TTC21B: variants seen among roughly 807,000 people sequenced by gnomAD.
The protein encoded by TTC21B is tetratricopeptide repeat protein 21B.
A neutral mutation model predicts 175.1 loss-of-function variants in TTC21B; 127 were observed. The ratio of observed to expected loss-of-function variants is 0.73; its 90% CI spans 0.63 to 0.84. The LOEUF (loss-of-function observed/expected upper bound fraction) is 0.84. Among genes scored for constraint, TTC21B ranks in the 40% least tolerant of loss-of-function variants. The pLI is 0.00. For missense variants in TTC21B, 1,561 were observed against 1,558.3 expected, an observed-to-expected ratio of 1.00 and a Z score of -0.03; for synonymous variants, 524 against 524.5, an observed-to-expected ratio of 1.00 and a Z score of 0.01.
chr2:165,881,708 T>TGG (rs1344257469), intron 26 of TTC21B, among the ~76,000 whole-genome samples: 3 of 152,168 alleles, frequency 2.0e-5, no homozygotes, highest in Non-Finnish European at 2.9e-5. Context: ...ATCAGTGCTA[T>TGG]GATAAGCCAC....
At chr2:165,906,955 C>CAAA (rs1160627145) in intron 19 of TTC21B, among the ~76,000 whole-genome samples, 52 of 60,198 alleles carry the variant, frequency 8.6e-4, no homozygotes, top group African/African-American at 1.3e-3. Context: ...AACTCCGTCT[C>CAAA]AAAAAAAAAA....
intron 4 of TTC21B, among the ~76,000 whole-genome samples, chr2:165,945,140 T>C (rs77760638): frequency 0.027 from 4,102 of 152,326 alleles, 65 homozygotes; most frequent in Non-Finnish European, 0.041. Flanking sequence ...AAAGTTTATG[T>C]ATTATTTTCC....
At chr2:165,916,292 T>G (rs1686175301) in intron 14 of TTC21B, among the ~76,000 whole-genome samples, 1 of 152,264 alleles carries the variant, frequency 6.6e-6, no homozygotes, top group Admixed American at 6.5e-5. Context: ...ATGGAAATTC[T>G]TTGTGATTTG....
chr2:165,944,548 T>C (rs1687482893), intron 4 of TTC21B, among the ~76,000 whole-genome samples: 1 of 152,168 alleles, frequency 6.6e-6, no homozygotes, highest in African/African-American at 2.4e-5. Context: ...TTTCAGTTTA[T>C]TCTCAAGCCA....
intron 18 of TTC21B, among the ~76,000 whole-genome samples, chr2:165,908,387 A>G (rs1404918226): frequency 1.3e-5 from 2 of 152,218 alleles, no homozygotes; most frequent in Non-Finnish European, 2.9e-5. Flanking sequence ...AAGTTACTAA[A>G]TAAGTTAAAA....
chr2:165,906,799 A>G (rs1685750365), intron 19 of TTC21B, among the ~76,000 whole-genome samples: 1 of 151,860 alleles, frequency 6.6e-6, no homozygotes, highest in Admixed American at 6.6e-5. Flanking sequence ...TACTAAAAAT[A>G]CAAAAATTAG....
intron 19 of TTC21B, among the ~76,000 whole-genome samples, chr2:165,904,764 C>T (rs926325106): frequency 6.6e-5 from 10 of 152,058 alleles, no homozygotes; most frequent in African/African-American, 1.9e-4. Flanking sequence ...CTTACAGACA[C>T]AGAATAAACA....
At chr2:165,905,064 T>C (rs140981416) in intron 19 of TTC21B, among the ~76,000 whole-genome samples, 601 of 152,266 alleles carry the variant, frequency 3.9e-3, no homozygotes, top group African/African-American at 0.013. Context: ...TGTCTGATAC[T>C]GAAATAAAAT....
chr2:165,906,361 T>C (rs1685733896), intron 19 of TTC21B, among the ~76,000 whole-genome samples: 1 of 151,272 alleles, frequency 6.6e-6, no homozygotes, highest in South Asian at 2.1e-4. Flanking sequence ...AAGGCAAAAG[T>C]TGACCCTTTG....
chr2:165,888,043 G>C (rs1270181219), intron 25 of TTC21B, among the ~76,000 whole-genome samples: 1 of 152,162 alleles, frequency 6.6e-6, no homozygotes, highest in Non-Finnish European at 1.5e-5. Flanking sequence ...GAAGAATTCA[G>C]TTTCTGTAGA....
At chr2:165,895,685 A>G (rs547714765) in intron 22 of TTC21B, among the ~76,000 whole-genome samples, 8 of 152,252 alleles carry the variant, frequency 5.3e-5, no homozygotes, top group Admixed American at 1.3e-4. Flanking sequence ...GAAGAAAATA[A>G]AAGTAGGTTT....
rs1559064834 is a variant in TTC21B, at chr2:165,927,284, ATCC to A, written c.1386+1848_1386+1850del. Among the ~76,000 whole-genome samples, 126 of 51,768 alleles carry A rather than the reference ATCC, an allele frequency of 2.4e-3. 1 individual carries two copies. Among genetic ancestry groups the A allele is most frequent in the African/African-American group, 2.9e-3 (30 of 10,336 alleles). The allele number at this position is 51,768 out of a possible 152,430, so 34.0% of individuals were successfully genotyped here. On this transcript the variant is annotated intron_variant, in intron 11 of 28. Coordinates refer to ENST00000243344, the MANE Select transcript of TTC21B (RefSeq NM_024753.5). Reference sequence around the variant, plus strand: ...TATCCTAGTAGTTATATATATATATATCCTAGTAGTTATATATATATATTATAT... The same window carrying A: ...TATCCTAGTAGTTATATATATATATATAGTAGTTATATATATATATTATAT...
chr2:165,874,556 C>A lies in TTC21B; in HGVS notation c.*199G>T. ...CCCAATCAAAACAGAGTCAAATAGA[C>A]CAGCTCTCATTCAACTCCATTAGGA... is the stretch of plus-strand genomic sequence containing the variant. On this transcript the variant is annotated 3_prime_UTR_variant, in exon 29 of 29. Transcript: ENST00000243344. 2 of 560,276 alleles carry A rather than the reference C, an allele frequency of 3.6e-6. No homozygotes were observed. The highest frequency in any genetic ancestry group is 6.5e-6 in the Non-Finnish European group (2 of 307,660). 34.7% of individuals were successfully genotyped at this position (560,276 alleles called of 1,614,324 possible).
rs4001021 is a variant in TTC21B, at chr2:165,937,771, C to CCACACACA, written c.710+3248_710+3255dup. ...TACATATTTTTAAAATATATAGAAA[C>CCACACACA]CACACACACACACACACACACACAC... On this transcript the variant is annotated intron_variant, in intron 6 of 28. Transcript: ENST00000243344. Among the ~76,000 whole-genome samples the CCACACACA allele has an allele frequency of 7.0e-3, 897 of 127,612 alleles. 11 individuals are homozygous for CCACACACA. Among genetic ancestry groups the CCACACACA allele is most frequent in the African/African-American group, 0.017 (583 of 33,756 alleles). The allele number at this position is 127,612 out of a possible 152,430, so 83.7% of individuals were successfully genotyped here.
intron 19 of TTC21B, among the ~76,000 whole-genome samples, chr2:165,903,550 T>C (rs1170899488): frequency 6.6e-6 from 1 of 152,032 alleles, no homozygotes; most frequent in Non-Finnish European, 1.5e-5. Context: ...TAGAGGGAAA[T>C]GAGACTGGGA....
At chr2:165,914,607 T>A (rs1370501078) in intron 15 of TTC21B, among the ~76,000 whole-genome samples, 1 of 150,146 alleles carries the variant, frequency 6.7e-6, no homozygotes, top group Non-Finnish European at 1.5e-5. Flanking sequence ...TTACATAGAG[T>A]GTATGCTTCT....
Position 165,945,130 on chromosome 2 carries a change from A to G in TTC21B, c.429+394T>C, listed in dbSNP as rs1225602571. ...TACTGGGTTATTCATTCATGAAAGC[A>G]AAGTTTATGTATTATTTTCCTTTGC... is the stretch of plus-strand genomic sequence containing the variant. On this transcript the variant is annotated intron_variant, in intron 4 of 28. Transcript: ENST00000243344. Among the ~76,000 whole-genome samples, 11 of 152,368 alleles carry G rather than the reference A, an allele frequency of 7.2e-5. No individual in the cohort carries two copies. In the South Asian group the frequency reaches 1.9e-3, roughly 26 times the overall value.
chr2:165,890,753 T>G, intron 23 of TTC21B, 85 bp downstream of exon 23: 1 of 1,545,296 alleles, frequency 6.5e-7, no homozygotes, highest in South Asian at 1.2e-5. Context: ...ATGTACATTT[T>G]TTTTTACTAC....
intron 12 of TTC21B, among the ~76,000 whole-genome samples, chr2:165,920,171 C>G (rs1313760190): frequency 6.6e-6 from 1 of 152,108 alleles, no homozygotes; most frequent in Non-Finnish European, 1.5e-5. Flanking sequence ...CTTAAGTCAC[C>G]TCATAAATGG....
Sources: gnomAD v4.1 joint callset for allele counts (sites outside exome capture counted in the v4.1 genomes callset) on GRCh38, gnomAD v4.1.1 for gene constraint, MANE v1.5 for transcripts, NCBI Gene and HGNC (gene_info 2026-07-23, HGNC 2026-07-21) for gene names.